The following MAGI3 variants were observed in gnomAD, a reference collection of about 807,000 sequenced individuals.
The protein encoded by MAGI3 is membrane associated guanylate kinase, WW and PDZ domain containing 3.
Under a neutral mutation model 121.8 loss-of-function variants are expected in MAGI3, and 43 were observed. That is an observed-to-expected ratio of 0.35 (90% CI 0.28 to 0.46). MAGI3 has a LOEUF of 0.46. Among genes scored for constraint, MAGI3 ranks in the 20% least tolerant of loss-of-function variants. The pLI, the probability that MAGI3 is intolerant of heterozygous loss-of-function variation, is 1.00. For missense variants in MAGI3, 1,547 were observed against 1,797.3 expected (o/e 0.86, Z 2.52); for synonymous variants, 553 against 639.3 (o/e 0.86, Z 2.04).
intron 2 of MAGI3, among the ~76,000 whole-genome samples, chr1:113,568,225 A>AT (rs1660514866): frequency 1.3e-5 from 2 of 152,064 alleles, no homozygotes; most frequent in Non-Finnish European, 2.9e-5. Flanking sequence ...TACCATCAAT[A>AT]TTTAGAAAAT....
intron 1 of MAGI3, among the ~76,000 whole-genome samples, chr1:113,473,144 CT>C (rs1470163060): frequency 6.6e-6 from 1 of 152,216 alleles, no homozygotes; most frequent in African/African-American, 2.4e-5. Flanking sequence ...TGATTACAAA[CT>C]CCCTCAGCTT....
chr1:113,446,798 TAATA>T (rs1223937619), intron 1 of MAGI3, among the ~76,000 whole-genome samples: 1 of 152,210 alleles, frequency 6.6e-6, no homozygotes, highest in Non-Finnish European at 1.5e-5. Flanking sequence ...CATTATATAT[TAATA>T]AATGGTTCAA....
rs1378605921 is a variant in MAGI3 at position 113,470,287 on chromosome 1, A to G, written c.316+78938A>G. Among the ~76,000 whole-genome samples, 4 of 151,618 alleles carry G rather than the reference A, an allele frequency of 2.6e-5. No individual in the cohort carries two copies. The East Asian group carries it at 7.7e-4, about 29-fold the overall frequency. On this transcript the variant is annotated intron_variant, in intron 1 of 20. Transcript: ENST00000307546. Reference sequence around the variant, plus strand: ...TGTTTTGTTTCTTCTCTCTTGTTCTACCATTCCCTAAGGTGTTGCATGTCT... The same window carrying G: ...TGTTTTGTTTCTTCTCTCTTGTTCTGCCATTCCCTAAGGTGTTGCATGTCT...
At chr1:113,631,824 T>A (rs974325188) in intron 9 of MAGI3, among the ~76,000 whole-genome samples, 1 of 152,210 alleles carries the variant, frequency 6.6e-6, no homozygotes, top group African/African-American at 2.4e-5. Context: ...TAAACTTGTC[T>A]TTTCTATAGT....
intron 1 of MAGI3, among the ~76,000 whole-genome samples, chr1:113,431,603 T>A (rs1286941785): frequency 6.6e-6 from 1 of 152,134 alleles, no homozygotes; most frequent in African/African-American, 2.4e-5. Flanking sequence ...AAATCTATTT[T>A]AAAAAAGACA....
In MAGI3 at chr1:113,391,087, C is replaced by T. The variant is rs1313833634; in HGVS notation, c.54C>T (p.Cys18=). ...ACTGGCTCAGCAAGGTGCAGGAGTG[C>T]GCCGTGTCCTGGGCCGGGCCCCCGG... ...KKHWLSKVQE[C]AVSWAGPPGD... is the part of the protein sequence containing the mutation. The change falls in exon 1 of 21, where the codon TGC becomes TGT. Residue 18 remains cysteine, a synonymous_variant. Coordinates refer to ENST00000307546, the MANE Select transcript of MAGI3 (RefSeq NM_001142782.2). This position sits in a 1 kb window ranked among gnomAD's most constrained non-coding sequence, Gnocchi z 4.4. 1.7e-5 allele frequency: 27 copies of T among 1,589,516 alleles called. No individual in the cohort carries two copies. Among genetic ancestry groups the T allele is most frequent in the East Asian group, 4.6e-5 (2 of 43,838 alleles).
intron 1 of MAGI3, among the ~76,000 whole-genome samples, chr1:113,399,286 A>G (rs973366636): frequency 1.1e-4 from 17 of 152,130 alleles, no homozygotes; most frequent in African/African-American, 3.4e-4. Flanking sequence ...GGAGAGGACA[A>G]TGAAGTGCCA....
intron 1 of MAGI3, among the ~76,000 whole-genome samples, chr1:113,494,641 T>G (rs1656830177): frequency 6.6e-6 from 1 of 152,104 alleles, no homozygotes; most frequent in Non-Finnish European, 1.5e-5. Context: ...CTGAAATTAT[T>G]TTCTAGTAGG....
chr1:113,414,185 G>A (rs1376846904), intron 1 of MAGI3, among the ~76,000 whole-genome samples: 1 of 152,138 alleles, frequency 6.6e-6, no homozygotes, highest in East Asian at 1.9e-4. Flanking sequence ...TACGTTTATT[G>A]ATTTGTGTAT....
chr1:113,594,269 A>G (rs559053930), intron 5 of MAGI3, among the ~76,000 whole-genome samples: 1 of 152,368 alleles, frequency 6.6e-6, no homozygotes, highest in Non-Finnish European at 1.5e-5. Context: ...TTGATTCTCA[A>G]GTTAGTGCCT....
chr1:113,417,806 A>C (rs1168766713), intron 1 of MAGI3, among the ~76,000 whole-genome samples: 1 of 152,026 alleles, frequency 6.6e-6, no homozygotes. Flanking sequence ...TCATTATTTG[A>C]TCCCTATCAT....
At chr1:113,622,752 C>A in intron 8 of MAGI3, 54 bp from the exon 9 acceptor site, 1 of 1,353,934 alleles carries the variant, frequency 7.4e-7, no homozygotes, top group Non-Finnish European at 1.0e-6. Flanking sequence ...ACTCTGAGTG[C>A]TATATTCATT....
At chr1:113,515,289 G>T (rs1657835084) in intron 1 of MAGI3, among the ~76,000 whole-genome samples, 1 of 152,138 alleles carries the variant, frequency 6.6e-6, no homozygotes, top group East Asian at 1.9e-4. Context: ...GACATTTGTT[G>T]TATTGGAATC....
intron 1 of MAGI3, among the ~76,000 whole-genome samples, chr1:113,487,382 T>C (rs1384709683): frequency 1.3e-5 from 2 of 152,190 alleles, no homozygotes; most frequent in African/African-American, 4.8e-5. Flanking sequence ...TTCCTGTGTA[T>C]ACAATAATTT....
intron 1 of MAGI3, among the ~76,000 whole-genome samples, chr1:113,474,661 A>G (rs568433523): frequency 1.8e-4 from 27 of 150,076 alleles, no homozygotes; most frequent in African/African-American, 5.3e-4. Context: ...GTTTTGGTTA[A>G]GTCAGGTAGC....
At chr1:113,557,150 C>G (rs1004492491) in intron 2 of MAGI3, among the ~76,000 whole-genome samples, 3 of 152,206 alleles carry the variant, frequency 2.0e-5, no homozygotes, top group Non-Finnish European at 2.9e-5. Flanking sequence ...AGCGTCCCCC[C>G]AGCAGCACAA....
At chr1:113,488,926 G>A (rs1323844415) in intron 1 of MAGI3, among the ~76,000 whole-genome samples, 1 of 152,068 alleles carries the variant, frequency 6.6e-6, no homozygotes, top group Non-Finnish European at 1.5e-5. Context: ...TAGCATGACT[G>A]TGCGCACAGT....
intron 1 of MAGI3, among the ~76,000 whole-genome samples, chr1:113,538,090 C>T (rs1659091156): frequency 6.6e-6 from 1 of 152,158 alleles, no homozygotes; most frequent in Non-Finnish European, 1.5e-5. Flanking sequence ...TTGTTCCTTT[C>T]ATATTGGTTA....
chr1:113,540,409 C>A (rs1232069486), intron 1 of MAGI3, among the ~76,000 whole-genome samples: 1 of 152,130 alleles, frequency 6.6e-6, no homozygotes, highest in African/African-American at 2.4e-5. Flanking sequence ...GAAAAGATGA[C>A]CTTCTTAGTG....
Sources: gnomAD v4.1 joint callset for allele counts (sites outside exome capture counted in the v4.1 genomes callset) on GRCh38, gnomAD v4.1.1 for gene constraint, Gnocchi (gnomAD v3.1) non-coding constraint, MANE v1.5 for transcripts, NCBI Gene and HGNC (gene_info 2026-07-23, HGNC 2026-07-21) for gene names.